The following DPP10 variants were observed in gnomAD, a reference collection of about 807,000 sequenced individuals.
DPP10 encodes the protein inactive dipeptidyl peptidase 10.
In DPP10, 33 loss-of-function variants were observed where a neutral mutation model predicts 120.9. The observed-to-expected ratio is 0.27, with a 90% CI of 0.21 to 0.37. DPP10 has a LOEUF of 0.37. Among genes scored for constraint, DPP10 ranks in the 10% least tolerant of loss-of-function variants. The pLI, the probability that DPP10 is intolerant of heterozygous loss-of-function variation, is 1.00. For synonymous variants in DPP10, 337 were observed against 326.1 expected (o/e 1.03, Z -0.36); for missense variants, 816 against 942.8 (o/e 0.87, Z 1.76).
chr2:115,657,571 T>C (rs1367855083), intron 5 of DPP10, among the ~76,000 whole-genome samples: 1 of 151,820 alleles, frequency 6.6e-6, no homozygotes, highest in Non-Finnish European at 1.5e-5. Flanking sequence ...TATCCTGTTA[T>C]GATCTTCTTC....
rs767979748 is a variant in DPP10, at chr2:115,689,964, G to A, written c.576+43G>A. 9 of 1,560,640 alleles carry A rather than the reference G, an allele frequency of 5.8e-6. No homozygotes were observed. The South Asian group carries it at 1.1e-4, about 19-fold the overall frequency. Reference sequence around the variant, plus strand: ...TATGCACTGAACACTGCCAATCATGGTTTTATGGAAGATGTTAACTGAAAC... The same window carrying A: ...TATGCACTGAACACTGCCAATCATGATTTTATGGAAGATGTTAACTGAAAC... On this transcript the variant is annotated intron_variant, in intron 7 of 25. Coordinates refer to ENST00000410059, the MANE Select transcript of DPP10 (RefSeq NM_020868.6).
intron 3 of DPP10, among the ~76,000 whole-genome samples, chr2:115,465,719 G>A (rs931006725): frequency 2.0e-5 from 3 of 152,190 alleles, no homozygotes; most frequent in South Asian, 2.1e-4. Context: ...CTACTCGGGA[G>A]GCTGAGACAG....
chr2:115,177,307 C>A (rs1168191039), intron 1 of DPP10, among the ~76,000 whole-genome samples: 3 of 152,326 alleles, frequency 2.0e-5, no homozygotes, highest in Middle Eastern at 3.4e-3. Flanking sequence ...TTGGCTTCAT[C>A]ATTTTATGAA....
At chr2:115,297,675 G>T (rs2060947857) in intron 1 of DPP10, among the ~76,000 whole-genome samples, 1 of 152,016 alleles carries the variant, frequency 6.6e-6, no homozygotes, top group African/African-American at 2.4e-5. Context: ...CTGTTAACTA[G>T]AAACTACTTC....
intron 1 of DPP10, among the ~76,000 whole-genome samples, chr2:115,026,231 A>G (rs1703451501): frequency 6.6e-6 from 1 of 151,908 alleles, no homozygotes; most frequent in Non-Finnish European, 1.5e-5. Flanking sequence ...ATCTAATTCC[A>G]TTTTTCTGCT....
At chr2:115,406,301 T>G (rs1444929166) in intron 3 of DPP10, among the ~76,000 whole-genome samples, 2 of 152,222 alleles carry the variant, frequency 1.3e-5, no homozygotes. Flanking sequence ...CTTTTACTGT[T>G]AATATTTCTG....
intron 7 of DPP10, among the ~76,000 whole-genome samples, chr2:115,702,254 A>T (rs2091922467): frequency 6.6e-6 from 1 of 152,030 alleles, no homozygotes; most frequent in Non-Finnish European, 1.5e-5. Flanking sequence ...GCTGGTGGGC[A>T]TTTAAAATGG....
In DPP10 at chr2:114,767,688, A is replaced by G. The variant is rs117164079; in HGVS notation, c.60+324850A>G. ...ATGCCATACTCACCCCGGTGAAATC[A>G]TGGTCTTTGGGAGTAGGCCTAGACA... is the stretch of plus-strand genomic sequence containing the variant. On this transcript the variant is annotated intron_variant, in intron 1 of 25. Transcript: ENST00000410059. Among the ~76,000 whole-genome samples, 24 of 152,306 alleles carry G rather than the reference A, an allele frequency of 1.6e-4. No individual in the cohort carries two copies. The East Asian group carries it at 4.6e-3, about 29-fold the overall frequency.
chr2:114,595,694 A>G (rs1222821424), intron 1 of DPP10, among the ~76,000 whole-genome samples: 2 of 152,154 alleles, frequency 1.3e-5, no homozygotes, highest in Non-Finnish European at 2.9e-5. Flanking sequence ...CACAGATGAC[A>G]TGGTTCCTGG....
chr2:115,328,232 TCACAGTGTGTAA>T (rs1259219515), intron 2 of DPP10, among the ~76,000 whole-genome samples: 1 of 152,076 alleles, frequency 6.6e-6, no homozygotes, highest in Non-Finnish European at 1.5e-5. Context: ...TGTGTATGTA[TCACAGTGTGTAA>T]ATGCTCTTCT....
chr2:115,438,163 CA>C (rs2071674849), intron 3 of DPP10, among the ~76,000 whole-genome samples: 1 of 151,912 alleles, frequency 6.6e-6, no homozygotes, highest in Non-Finnish European at 1.5e-5. Context: ...TAGGAAAATG[CA>C]AATCAAAACC....
intron 1 of DPP10, among the ~76,000 whole-genome samples, chr2:114,927,033 T>A (rs1695684861): frequency 6.6e-6 from 1 of 151,882 alleles, no homozygotes; most frequent in Admixed American, 6.6e-5. Flanking sequence ...GTATTTTTAG[T>A]AGAGATGGGG....
chr2:114,876,914 C>CTATTTAACTTGCATGCA (rs1691210341), intron 1 of DPP10, among the ~76,000 whole-genome samples: 2 of 151,920 alleles, frequency 1.3e-5, no homozygotes, highest in Admixed American at 1.3e-4. Context: ...TAAAGTGTCA[C>CTATTTAACTTGCATGCA]GACTTTTCCT....
chr2:115,795,823 A>G (rs1306173184), intron 19 of DPP10, among the ~76,000 whole-genome samples: 2 of 152,144 alleles, frequency 1.3e-5, no homozygotes, highest in Non-Finnish European at 2.9e-5. Context: ...ATCAAGCTTC[A>G]GACAAGTCAG....
chr2:115,086,393 C>T (rs1482564791), intron 1 of DPP10, among the ~76,000 whole-genome samples: 12 of 152,110 alleles, frequency 7.9e-5, no homozygotes, highest in Non-Finnish European at 1.3e-4. Flanking sequence ...GGAAGCCACC[C>T]CCCAACCCCT....
intron 5 of DPP10, among the ~76,000 whole-genome samples, chr2:115,569,572 G>A (rs576753385): frequency 2.0e-5 from 3 of 152,130 alleles, no homozygotes; most frequent in Admixed American, 6.5e-5. Context: ...TTGTATCTAC[G>A]CAATCAAGGG....
intron 1 of DPP10, among the ~76,000 whole-genome samples, chr2:114,577,891 C>T (rs1308496899): frequency 6.6e-6 from 1 of 152,122 alleles, no homozygotes. Flanking sequence ...CCAAATGTCC[C>T]CCTTATGAGG....
At chr2:114,675,190 A>G (rs983852082) in intron 1 of DPP10, among the ~76,000 whole-genome samples, 3 of 152,142 alleles carry the variant, frequency 2.0e-5, no homozygotes, top group African/African-American at 7.2e-5. Flanking sequence ...CCAGGAAGAC[A>G]TTCATGAGTG....
intron 1 of DPP10, among the ~76,000 whole-genome samples, chr2:114,850,688 A>T (rs1688883506): frequency 6.6e-6 from 1 of 152,104 alleles, no homozygotes; most frequent in African/African-American, 2.4e-5. Flanking sequence ...CAGACTTGAG[A>T]ATGGGGAGTC....
Sources: allele counts gnomAD v4.1 joint callset (sites outside exome capture counted in the v4.1 genomes callset), GRCh38; gene constraint gnomAD v4.1.1; transcripts MANE v1.5; gene names NCBI Gene and HGNC (gene_info 2026-07-23, HGNC 2026-07-21).